RASGEF1C: variants seen among roughly 807,000 people sequenced by gnomAD.
RASGEF1C encodes RasGEF domain family member 1C.
A neutral mutation model predicts 58.1 loss-of-function variants in RASGEF1C; 27 were observed. That is an observed-to-expected ratio of 0.46 (90% CI 0.34 to 0.64). RASGEF1C has a LOEUF of 0.64. RASGEF1C is among the 30% of genes least tolerant of loss of function. The pLI, the probability that RASGEF1C is intolerant of heterozygous loss-of-function variation, is 0.01. For synonymous variants in RASGEF1C, 243 were observed against 246.3 expected, an observed-to-expected ratio of 0.99 and a Z score of 0.13; for missense variants, 502 against 605.1, an observed-to-expected ratio of 0.83 and a Z score of 1.79.
chr5:180,169,886 G>A (rs564886591), intron 1 of RASGEF1C, among the ~76,000 whole-genome samples: 15 of 151,454 alleles, frequency 9.9e-5, no homozygotes, highest in African/African-American at 1.5e-4. Flanking sequence ...CTGGGGCTGC[G>A]TGTTTGCTGT....
chr5:180,162,261 C>T (rs751704095), intron 1 of RASGEF1C, among the ~76,000 whole-genome samples: 24 of 152,236 alleles, frequency 1.6e-4, no homozygotes, highest in Non-Finnish European at 2.4e-4. Context: ...TTTGCAATCC[C>T]CATCTTCCTG....
chr5:180,118,787 C>T lies in RASGEF1C; in HGVS notation c.987G>A (p.Glu329=), dbSNP rs1489535132. 1 of 1,614,218 alleles carries T rather than the reference C, an allele frequency of 6.2e-7. No homozygotes were observed. Among genetic ancestry groups the T allele is most frequent in the Non-Finnish European group, 8.5e-7 (1 of 1,180,020 alleles). ...CCGGCAGCCCAGCAGCCTCATTTAC[C>T]TCGAGGATGAAAAACTTGGCCGTCC... is the stretch of plus-strand genomic sequence containing the variant. ...KVRTAKFFIL[E]HQMDPTGNFC... The change falls in exon 9 of 14, where the codon GAG becomes GAA. Residue 329 remains glutamate, a splice_region_variant and synonymous_variant. Coordinates refer to ENST00000361132, the MANE Select transcript of RASGEF1C (RefSeq NM_175062.4).
intron 1 of RASGEF1C, among the ~76,000 whole-genome samples, chr5:180,194,235 C>T (rs376927725): frequency 3.3e-5 from 5 of 152,180 alleles, no homozygotes; most frequent in African/African-American, 9.7e-5. Flanking sequence ...GGCAACACCA[C>T]GGATCGCGTT....
intron 1 of RASGEF1C, among the ~76,000 whole-genome samples, chr5:180,200,608 C>T (rs559490371): frequency 5.3e-5 from 8 of 152,124 alleles, no homozygotes; most frequent in South Asian, 4.2e-4. Context: ...CCACCGCGCC[C>T]AGCCAAGTAC....
intron 1 of RASGEF1C, among the ~76,000 whole-genome samples, chr5:180,148,565 T>C (rs1561743401): frequency 6.6e-6 from 1 of 152,210 alleles, no homozygotes; most frequent in South Asian, 2.1e-4. Flanking sequence ...AACACTCTAA[T>C]TTGAATTTAG....
At position 180,168,559 on chromosome 5, in the gene RASGEF1C, C is replaced by A. The variant is rs532294930; in HGVS notation, c.-6-30501G>T. The stretch of plus-strand genomic sequence containing the variant: ...CCGTCGTCGAGCCAGAAAGCTAGGG[C>A]TTTCCTTCCTTGGTTTTGCTGTGCA... On this transcript the variant is annotated intron_variant, in intron 1 of 13. Transcript: ENST00000361132. The surrounding 1 kb of genome is among the most constrained non-coding windows in gnomAD (Gnocchi z 6.0). Among the ~76,000 whole-genome samples the A allele has an allele frequency of 6.6e-6, 1 of 152,312 alleles. No individual in the cohort carries two copies. The highest frequency in any genetic ancestry group is 2.4e-5 in the African/African-American group (1 of 41,566).
At chr5:180,170,560 G>A (rs1352345364) in intron 1 of RASGEF1C, among the ~76,000 whole-genome samples, 1 of 151,652 alleles carries the variant, frequency 6.6e-6, no homozygotes, top group Non-Finnish European at 1.5e-5. Flanking sequence ...TGTCCCCGCG[G>A]AGCCCCCGCC....
In RASGEF1C at chr5:180,136,359, C is replaced by T. The variant is rs55638756; in HGVS notation, c.438+19G>A. ...ACGGGAGGGACCCAGGGTGACGCGA[C>T]CCCCGCCCAGCTGCCCACCTCGTCA... is the stretch of plus-strand genomic sequence containing the variant. On this transcript the variant is annotated intron_variant, in intron 4 of 13. Coordinates refer to ENST00000361132, the MANE Select transcript of RASGEF1C (RefSeq NM_175062.4). 666,833 of 1,547,592 alleles carry T rather than the reference C, an allele frequency of 0.43. 148,091 individuals carry two copies. Among genetic ancestry groups the T allele is most frequent in the Admixed American group, 0.49 (24,959 of 51,012 alleles).
intron 6 of RASGEF1C, among the ~76,000 whole-genome samples, chr5:180,122,472 G>A (rs1766192174): frequency 6.6e-6 from 1 of 151,950 alleles, no homozygotes; most frequent in African/African-American, 2.4e-5. Flanking sequence ...CAAGCGCAGT[G>A]GCTCACGCCT....
intron 11 of RASGEF1C, among the ~76,000 whole-genome samples, chr5:180,113,866 A>G (rs1446692964): frequency 6.6e-6 from 1 of 152,008 alleles, no homozygotes; most frequent in Non-Finnish European, 1.5e-5. Context: ...TCGAGGATAG[A>G]TGGAGGGATC....
chr5:180,183,248 T>C (rs1755940707), intron 1 of RASGEF1C, among the ~76,000 whole-genome samples: 1 of 152,162 alleles, frequency 6.6e-6, no homozygotes, highest in Admixed American at 6.5e-5. Flanking sequence ...AAAACACAGA[T>C]GAGACCCAAG....
chr5:180,120,027 C>T (rs1766141349), intron 7 of RASGEF1C, among the ~76,000 whole-genome samples: 1 of 152,144 alleles, frequency 6.6e-6, no homozygotes, highest in Non-Finnish European at 1.5e-5. Context: ...CAGGCTTCGC[C>T]CAGGCTCGGC....
At chr5:180,159,753 T>C (rs1010092609) in intron 1 of RASGEF1C, among the ~76,000 whole-genome samples, 10 of 152,254 alleles carry the variant, frequency 6.6e-5, no homozygotes, top group African/African-American at 2.4e-4. Flanking sequence ...TGCTCTATCA[T>C]TGGTTACTTA....
intron 1 of RASGEF1C, among the ~76,000 whole-genome samples, chr5:180,186,738 G>A (rs1366060118): frequency 1.3e-5 from 2 of 152,184 alleles, no homozygotes; most frequent in African/African-American, 2.4e-5. Flanking sequence ...GGCCAAGGCG[G>A]GCTGGATCAG....
Position 180,181,658 on chromosome 5 carries a change from T to C in RASGEF1C, c.-7+27370A>G, listed in dbSNP as rs534933816. ...GAAGCTGGGAACAGGCAGGGAAGGG[T>C]TCTATTGGGTTCAGAGGGAATGTGT... On this transcript the variant is annotated intron_variant, in intron 1 of 13. Coordinates refer to ENST00000361132, the MANE Select transcript of RASGEF1C (RefSeq NM_175062.4). Among the ~76,000 whole-genome samples, 3 of 152,006 alleles carry C rather than the reference T, an allele frequency of 2.0e-5. No homozygotes were observed. In the East Asian group the frequency reaches 5.8e-4, roughly 29 times the overall value.
intron 1 of RASGEF1C, among the ~76,000 whole-genome samples, chr5:180,141,721 T>C (rs201650003): frequency 0.76 from 98,082 of 128,390 alleles, 34,188 homozygotes; most frequent in East Asian, 0.85. Context: ...TTATCACACT[T>C]TTTTTTTTTT....
chr5:180,174,698 T>G (rs1282628254), intron 1 of RASGEF1C, among the ~76,000 whole-genome samples: 1 of 152,154 alleles, frequency 6.6e-6, no homozygotes, highest in Non-Finnish European at 1.5e-5. Context: ...CATGGAATCC[T>G]GGGTGCAGGC....
intron 1 of RASGEF1C, among the ~76,000 whole-genome samples, chr5:180,181,833 C>T (rs1767334156): frequency 6.6e-6 from 1 of 152,186 alleles, no homozygotes; most frequent in East Asian, 1.9e-4. Context: ...GGCAGGATGT[C>T]TTCATGCTAT....
rs955021822 is a variant in RASGEF1C at position 180,184,728 on chromosome 5, G to T, written c.-7+24300C>A. Among the ~76,000 whole-genome samples the T allele has an allele frequency of 2.0e-5, 3 of 152,180 alleles. No individual in the cohort carries two copies. In the East Asian group the frequency reaches 5.8e-4, roughly 29 times the overall value. On this transcript the variant is annotated intron_variant, in intron 1 of 13. Transcript: ENST00000361132. ...AAAGTGAAAGTATGTAAAAAGGAAAGAGAGCTGGTATGTCTATAATTATTT... is the reference window on the plus strand; with the variant it reads ...AAAGTGAAAGTATGTAAAAAGGAAATAGAGCTGGTATGTCTATAATTATTT...
Sources: allele counts gnomAD v4.1 joint callset (sites outside exome capture counted in the v4.1 genomes callset), GRCh38; gene constraint gnomAD v4.1.1; non-coding constraint Gnocchi (gnomAD v3.1); transcripts MANE v1.5; gene names NCBI Gene and HGNC (gene_info 2026-07-23, HGNC 2026-07-21).